TAFA2: variants seen among roughly 807,000 people sequenced by gnomAD.
TAFA2 encodes TAFA chemokine like family member 2, also known as chemokine-like protein TAFA-2.
Under a neutral mutation model 18.8 loss-of-function variants are expected in TAFA2, and 7 were observed. The ratio of observed to expected loss-of-function variants is 0.37; its 90% CI spans 0.21 to 0.70. The LOEUF (loss-of-function observed/expected upper bound fraction) is 0.70. Ranked by LOEUF, TAFA2 falls within the 30% of genes least tolerant of loss-of-function variation. The pLI, the probability that TAFA2 is intolerant of heterozygous loss-of-function variation, is 0.53. For synonymous variants in TAFA2, 60 were observed against 54.2 expected, an observed-to-expected ratio of 1.11 and a Z score of -0.47; for missense variants, 122 against 158.1, an observed-to-expected ratio of 0.77 and a Z score of 1.23.
At chr12:61,728,238 C>T (rs1870267600) in intron 4 of TAFA2, among the ~76,000 whole-genome samples, 1 of 151,796 alleles carries the variant, frequency 6.6e-6, no homozygotes, top group East Asian at 1.9e-4. Flanking sequence ...TCTGTTAAGT[C>T]CATTTGTTCT....
intron 1 of TAFA2, among the ~76,000 whole-genome samples, chr12:61,984,624 T>A (rs1208005853): frequency 3.3e-5 from 5 of 152,188 alleles, no homozygotes; most frequent in Non-Finnish European, 7.3e-5. Flanking sequence ...TAAAGAACAT[T>A]TTCCATTATG....
At chr12:62,194,012 G>C (rs980463685), upstream of TAFA2, among the ~76,000 whole-genome samples, 2 of 152,184 alleles carry the variant, frequency 1.3e-5, no homozygotes, top group Admixed American at 1.3e-4. Context: ...ACTTTGTCTA[G>C]TAGTATACAG....
In TAFA2 at chr12:62,106,860, G is replaced by A. The variant is rs532482047; in HGVS notation, c.-2+84399C>T. On this transcript the variant is annotated intron_variant, in intron 1 of 4. Coordinates refer to ENST00000416284, the MANE Select transcript of TAFA2 (RefSeq NM_178539.5). ...AGAGCTCATTTTACTGCAATAGAGC[G>A]TTCTGTTTTCCAAAGGATCACCGTA... Among the ~76,000 whole-genome samples, 16 of 131,170 alleles carry A rather than the reference G, an allele frequency of 1.2e-4. No individual in the cohort carries two copies. In the South Asian group the frequency reaches 3.3e-3, roughly 27 times the overall value. 86.1% of individuals were successfully genotyped at this position (131,170 alleles called of 152,430 possible). A position where few individuals can be genotyped will look rare whatever the true frequency, so the allele number is the denominator to read the frequency against.
At chr12:62,177,897 TGAATA>T (rs139534878) in intron 1 of TAFA2, among the ~76,000 whole-genome samples, 6,652 of 152,296 alleles carry the variant, frequency 0.044, 203 homozygotes, top group Non-Finnish European at 0.065. Context: ...CCAGAATGAC[TGAATA>T]GCTCTGTAGC....
intron 1 of TAFA2, chr12:62,235,413 T>C (rs2062832339): frequency 1.2e-5 from 8 of 652,696 alleles, no homozygotes; most frequent in South Asian, 3.6e-5. Context: ...ATGTTCAAGA[T>C]GGGTGCTGAG....
chr12:62,124,431 A>G (rs1029916812), intron 1 of TAFA2, among the ~76,000 whole-genome samples: 1 of 152,176 alleles, frequency 6.6e-6, no homozygotes, highest in Non-Finnish European at 1.5e-5. Flanking sequence ...ACCAAGAAAT[A>G]AAAGAAAATG....
intron 1 of TAFA2, among the ~76,000 whole-genome samples, chr12:62,104,340 G>T (rs1234279369): frequency 6.6e-6 from 1 of 151,554 alleles, no homozygotes; most frequent in Non-Finnish European, 1.5e-5. Flanking sequence ...AACCCTCAGC[G>T]ATTTTAGACA....
intron 4 of TAFA2, among the ~76,000 whole-genome samples, chr12:61,752,991 G>A (rs994230913): frequency 1.3e-5 from 2 of 151,852 alleles, no homozygotes; most frequent in African/African-American, 2.4e-5. Context: ...GGAAATCAAA[G>A]AACAAAGCTA....
chr12:61,759,446 C>A (rs972133262), intron 2 of TAFA2, among the ~76,000 whole-genome samples: 11 of 152,022 alleles, frequency 7.2e-5, no homozygotes, highest in African/African-American at 2.7e-4. Flanking sequence ...TTCTCCCCAC[C>A]AGCCAGAGCA....
intron 1 of TAFA2, among the ~76,000 whole-genome samples, chr12:61,920,509 G>T (rs990228122): frequency 6.6e-6 from 1 of 152,076 alleles, no homozygotes; most frequent in African/African-American, 2.4e-5. Context: ...CCCACAGTTT[G>T]CTGCTTCTAA....
intron 1 of TAFA2, among the ~76,000 whole-genome samples, chr12:62,202,062 AT>A (rs2062673124): frequency 6.6e-6 from 1 of 151,964 alleles, no homozygotes; most frequent in South Asian, 2.1e-4. Context: ...GGCTGTTTGT[AT>A]TTCTGTGGGG....
In TAFA2 at chr12:61,814,924, C is replaced by T. The variant is rs183263555; in HGVS notation, c.106+52396G>A. Among the ~76,000 whole-genome samples the T allele has an allele frequency of 3.7e-4, 56 of 151,618 alleles. 5 individuals are homozygous for T. Among genetic ancestry groups the T allele is most frequent in the African/African-American group, 1.4e-3 (56 of 40,902 alleles). On this transcript the variant is annotated intron_variant, in intron 2 of 4. Transcript: ENST00000416284. Reference sequence around the variant, plus strand: ...GGACAAATAGATTTTTCCCTAGAGCCTCCAGAAGGAACAAAGCCCTGCTAA... The same window carrying T: ...GGACAAATAGATTTTTCCCTAGAGCTTCCAGAAGGAACAAAGCCCTGCTAA...
chr12:62,194,355 A>G (rs960412018), upstream of TAFA2, among the ~76,000 whole-genome samples: 4 of 151,958 alleles, frequency 2.6e-5, no homozygotes, highest in Non-Finnish European at 5.9e-5. Context: ...CATACATTAT[A>G]ATCTTTCTAC....
In TAFA2 at chr12:61,973,394, GAT is replaced by G. The variant is rs1491361623; in HGVS notation, c.-1-105970_-1-105969del. ...TGATTTCCTTGGAAAATATTATTTAGATTTTTTTTTTTTTTTTTTTAGTTTTC... is the reference window on the plus strand; with the variant it reads ...TGATTTCCTTGGAAAATATTATTTAGTTTTTTTTTTTTTTTTTTAGTTTTC... On this transcript the variant is annotated intron_variant, in intron 1 of 4. Transcript: ENST00000416284. Among the ~76,000 whole-genome samples, 18 of 88,736 alleles carry G rather than the reference GAT, an allele frequency of 2.0e-4. No homozygotes were observed. The South Asian group carries it at 4.1e-3, about 20-fold the overall frequency. The allele number at this position is 88,736 out of a possible 152,430, so 58.2% of individuals were successfully genotyped here.
chr12:62,117,879 T>G (rs2136874730), intron 1 of TAFA2, among the ~76,000 whole-genome samples: 1 of 152,296 alleles, frequency 6.6e-6, no homozygotes, highest in Non-Finnish European at 1.5e-5. Flanking sequence ...GTTCATCTTT[T>G]TTTCCTCTTT....
chr12:61,915,861 T>G (rs1465940270), intron 1 of TAFA2, among the ~76,000 whole-genome samples: 1 of 152,210 alleles, frequency 6.6e-6, no homozygotes, highest in Non-Finnish European at 1.5e-5. Flanking sequence ...GAGTCTGCTT[T>G]ACTCAGTCTA....
At chr12:61,881,136 G>A (rs1354696409) in intron 1 of TAFA2, among the ~76,000 whole-genome samples, 1 of 151,926 alleles carries the variant, frequency 6.6e-6, no homozygotes, top group African/African-American at 2.4e-5. Flanking sequence ...AGATGCCTTG[G>A]CCATGGGTTT....
intron 1 of TAFA2, among the ~76,000 whole-genome samples, chr12:62,246,830 T>C (rs1365103394): frequency 6.6e-6 from 1 of 152,208 alleles, no homozygotes; most frequent in South Asian, 2.1e-4. Context: ...TCTTTCATCT[T>C]GCATTCCATT....
At chr12:62,150,623 C>A (rs2062321499) in intron 1 of TAFA2, among the ~76,000 whole-genome samples, 1 of 152,146 alleles carries the variant, frequency 6.6e-6, no homozygotes, top group Admixed American at 6.5e-5. Context: ...GCAAACCTGG[C>A]TGGGCATGGT....
Sources: allele counts gnomAD v4.1 joint callset (sites outside exome capture counted in the v4.1 genomes callset), GRCh38; gene constraint gnomAD v4.1.1; transcripts MANE v1.5; gene names NCBI Gene and HGNC (gene_info 2026-07-23, HGNC 2026-07-21).